The following HMGN5 variants were observed in gnomAD, a reference collection of about 807,000 sequenced individuals.
The protein encoded by HMGN5 is high mobility group nucleosome binding domain 5.
Under a neutral mutation model 9.5 loss-of-function variants are expected in HMGN5, and 4 were observed. That is an observed-to-expected ratio of 0.42 (90% CI 0.21 to 0.96). HMGN5 has a LOEUF of 0.96. Ranked by LOEUF, HMGN5 falls within the 40% of genes least tolerant of loss-of-function variation. HMGN5 has a pLI of 0.30. For synonymous variants in HMGN5, 55 were observed against 57.1 expected, an observed-to-expected ratio of 0.96 and a Z score of 0.16; for missense variants, 192 against 187.5, an observed-to-expected ratio of 1.02 and a Z score of -0.14.
chrX:81,152,770 G>A (rs369796483), intron 1 of HMGN5, among the ~76,000 whole-genome samples: 20 of 108,280 alleles, frequency 1.8e-4, no homozygotes, highest in South Asian at 8.3e-4. Flanking sequence ...GATAGACTGG[G>A]TTAAGAAAAT....
rs745337175 is a variant in HMGN5, at chrX:81,118,544, C to T, written c.76-59G>A. ...AAAAAAATCATATTTGAAGAAAGAA[C>T]GCTAAAAATGAAATCCAACCTCTGA... On this transcript the variant is annotated intron_variant, in intron 4 of 6. Transcript: ENST00000358130. 16 of 962,563 alleles carry T rather than the reference C, an allele frequency of 1.7e-5. No individual in the cohort carries two copies. The Middle Eastern group carries it at 7.9e-4, about 48-fold the overall frequency. 79.3% of individuals were successfully genotyped at this position (962,563 alleles called of 1,213,427 possible). A position where few individuals can be genotyped will look rare whatever the true frequency, so the allele number is the denominator to read the frequency against.
chrX:81,147,114 T>C (rs1304041016), intron 1 of HMGN5, among the ~76,000 whole-genome samples: 3 of 110,614 alleles, frequency 2.7e-5, no homozygotes, highest in Non-Finnish European at 1.9e-5. Flanking sequence ...TTCCAAACAA[T>C]AGAAAAAAAG....
intron 1 of HMGN5, among the ~76,000 whole-genome samples, chrX:81,126,236 C>A (rs772733394): frequency 2.8e-5 from 3 of 108,286 alleles, no homozygotes; most frequent in Non-Finnish European, 5.7e-5. Flanking sequence ...AGCAATTACA[C>A]AGTTTATACA....
chrX:81,140,974 G>A (rs2075327590), intron 1 of HMGN5, among the ~76,000 whole-genome samples: 1 of 111,232 alleles, frequency 9.0e-6, no homozygotes, highest in South Asian at 3.8e-4. Flanking sequence ...TTCATCACAA[G>A]CTGACTGAAG....
At chrX:81,132,602 T>G (rs2075300574) in intron 1 of HMGN5, among the ~76,000 whole-genome samples, 1 of 111,628 alleles carries the variant, frequency 9.0e-6, no homozygotes, top group Admixed American at 9.5e-5. Context: ...GGGAAAGGAT[T>G]CCGTGTTCAA....
At chrX:81,162,952 A>T (rs1387396395) in intron 1 of HMGN5, among the ~76,000 whole-genome samples, 1 of 111,584 alleles carries the variant, frequency 9.0e-6, no homozygotes, top group Non-Finnish European at 1.9e-5. Context: ...TGAACATGTG[A>T]CTTCGACATT....
rs1215977740 is a variant in HMGN5, at chrX:81,136,551, C to CA, written c.-123-14880dup. On this transcript the variant is annotated intron_variant, in intron 1 of 6. Coordinates refer to ENST00000358130, the MANE Select transcript of HMGN5 (RefSeq NM_030763.3). ...ATGAAAACTATACAAAATATGCACTCAAAAACAAAAACACTATAAATGACT... is the reference window on the plus strand; with the variant it reads ...ATGAAAACTATACAAAATATGCACTCAAAAAACAAAAACACTATAAATGACT... Among the ~76,000 whole-genome samples the CA allele has an allele frequency of 9.0e-5, 10 of 110,786 alleles. No homozygotes were observed. The South Asian group carries it at 1.5e-3, about 17-fold the overall frequency.
chrX:81,157,574 G>A (rs2075386380), intron 1 of HMGN5, among the ~76,000 whole-genome samples: 1 of 111,079 alleles, frequency 9.0e-6, no homozygotes, highest in Admixed American at 9.6e-5. Flanking sequence ...GAAAGTATTG[G>A]CGTCTCCTCA....
chrX:81,117,654 A>G (rs1198182046), intron 5 of HMGN5, among the ~76,000 whole-genome samples: 1 of 111,607 alleles, frequency 9.0e-6, no homozygotes, highest in Non-Finnish European at 1.9e-5. Flanking sequence ...TGCAGAAAAA[A>G]AAACCTTCTT....
At chrX:81,188,817 T>C (rs2031646072) in intron 1 of HMGN5, among the ~76,000 whole-genome samples, 1 of 111,379 alleles carries the variant, frequency 9.0e-6, no homozygotes, top group Admixed American at 9.5e-5. Flanking sequence ...CATCCTTTTT[T>C]ATGGCTGCAT....
At chrX:81,182,450 T>C (rs1344180585) in intron 1 of HMGN5, among the ~76,000 whole-genome samples, 1 of 111,967 alleles carries the variant, frequency 8.9e-6, no homozygotes, top group Non-Finnish European at 1.9e-5. Flanking sequence ...GGCAGGTGAA[T>C]TGGTCATGGG....
intron 1 of HMGN5, among the ~76,000 whole-genome samples, chrX:81,131,197 A>G (rs921200513): frequency 1.8e-5 from 2 of 111,845 alleles, no homozygotes; most frequent in Admixed American, 9.5e-5. Context: ...TTTCTTGTGG[A>G]CCACCAATGG....
chrX:81,186,468 A>G (rs773896104), intron 1 of HMGN5, among the ~76,000 whole-genome samples: 10 of 111,769 alleles, frequency 8.9e-5, no homozygotes, highest in Non-Finnish European at 1.5e-4. Context: ...ATATTTCAAC[A>G]TTGATTTTAT....
At chrX:81,133,949 T>C (rs1781132484) in intron 1 of HMGN5, among the ~76,000 whole-genome samples, 2 of 111,688 alleles carry the variant, frequency 1.8e-5, no homozygotes, top group African/African-American at 6.5e-5. Flanking sequence ...AATTTTTAAA[T>C]ATGAAGAGGT....
chrX:81,173,007 G>A, intron 1 of HMGN5, among the ~76,000 whole-genome samples: 1 of 111,197 alleles, frequency 9.0e-6, no homozygotes, highest in African/African-American at 3.2e-5. Flanking sequence ...GAATTTGTTC[G>A]AGTCAACAAT....
intron 1 of HMGN5, among the ~76,000 whole-genome samples, chrX:81,123,948 A>G (rs2075275905): frequency 8.9e-6 from 1 of 112,049 alleles, no homozygotes; most frequent in East Asian, 2.8e-4. Flanking sequence ...ATGCAGCGGC[A>G]GGAAAAGGTT....
intron 1 of HMGN5, among the ~76,000 whole-genome samples, chrX:81,200,695 C>T (rs770672172): frequency 9.9e-5 from 11 of 110,964 alleles, no homozygotes; most frequent in South Asian, 7.9e-4. Flanking sequence ...CATCACACCC[C>T]GGGGCCAGTC....
chrX:81,138,160 C>T (rs1466478916), intron 1 of HMGN5, among the ~76,000 whole-genome samples: 1 of 111,462 alleles, frequency 9.0e-6, no homozygotes, highest in Non-Finnish European at 1.9e-5. Flanking sequence ...AAAATACAGA[C>T]CAATATCTAT....
chrX:81,191,718 C>T (rs752197970), intron 1 of HMGN5, among the ~76,000 whole-genome samples: 1 of 112,106 alleles, frequency 8.9e-6, no homozygotes, highest in South Asian at 3.7e-4. Flanking sequence ...CCTACACACC[C>T]TGTTCCAGGC....
Sources: gnomAD v4.1 joint callset for allele counts (sites outside exome capture counted in the v4.1 genomes callset) on GRCh38, gnomAD v4.1.1 for gene constraint, MANE v1.5 for transcripts, NCBI Gene and HGNC (gene_info 2026-07-23, HGNC 2026-07-21) for gene names.